Variants in ALLC observed in about 807,000 individuals in gnomAD.
The protein encoded by ALLC is probable inactive allantoicase.
In ALLC, 40 loss-of-function variants were observed where a neutral mutation model predicts 45.0. That is an observed-to-expected ratio of 0.89 (90% CI 0.69 to 1.16). The LOEUF is 1.16. ALLC is among the 50% of genes most tolerant of loss of function. The probability of loss-of-function intolerance (pLI) is 0.00; values close to 1 mark genes in which losing one functional copy is unlikely to be tolerated. For synonymous variants in ALLC, 176 were observed against 178.1 expected, an observed-to-expected ratio of 0.99 and a Z score of 0.09; for missense variants, 488 against 493.1, an observed-to-expected ratio of 0.99 and a Z score of 0.10.
intron 10 of ALLC, among the ~76,000 whole-genome samples, chr2:3,697,676 ATTTT>A (rs1326183569): frequency 1.4e-5 from 2 of 144,348 alleles, no homozygotes; most frequent in Non-Finnish European, 3.0e-5. Context: ...TCTTTTATTT[ATTTT>A]TTTGAGATGG....
chr2:3,683,658 G>A (rs990705161), intron 7 of ALLC, among the ~76,000 whole-genome samples: 5 of 152,134 alleles, frequency 3.3e-5, no homozygotes, highest in Admixed American at 2.6e-4. Flanking sequence ...TTGGTCTTTT[G>A]TGTCTGACTT....
chr2:3,654,721 C>T (rs935663086), upstream of ALLC, among the ~76,000 whole-genome samples: 5 of 152,224 alleles, frequency 3.3e-5, no homozygotes, highest in African/African-American at 1.2e-4. Flanking sequence ...GTCTTTTCTG[C>T]GTGTTTCCCT....
chr2:3,681,556 C>T, intron 5 of ALLC, 78 bp from the exon 6 acceptor site: 2 of 993,998 alleles, frequency 2.0e-6, no homozygotes, highest in Non-Finnish European at 3.0e-6. Context: ...CGAGAATTAC[C>T]ATACAAACCA....
chr2:3,701,459 C>T lies in ALLC; in HGVS notation c.851-53C>T, dbSNP rs1667829798. On this transcript the variant is annotated intron_variant, in intron 10 of 11. Coordinates refer to ENST00000252505, the MANE Select transcript of ALLC (RefSeq NM_018436.4). ...TTAAAAAAGCATGATATCCTATACG[C>T]CAAACTGAGTGCAAATGCGGGCAGA... The T allele has an allele frequency of 2.6e-6, 4 of 1,527,506 alleles. No homozygotes were observed. In the South Asian group the frequency reaches 4.9e-5, roughly 19 times the overall value. 94.6% of individuals were successfully genotyped at this position (1,527,506 alleles called of 1,614,324 possible).
chr2:3,696,511 A>G (rs1667678092), intron 9 of ALLC, among the ~76,000 whole-genome samples, 163 bp downstream of exon 9: 1 of 152,242 alleles, frequency 6.6e-6, no homozygotes, highest in Non-Finnish European at 1.5e-5. Context: ...TGTTTTCATA[A>G]TATCAGGGCA....
intron 9 of ALLC, 68 bp from the exon 10 acceptor site, chr2:3,697,280 G>T: frequency 8.4e-7 from 1 of 1,186,488 alleles, no homozygotes; most frequent in Non-Finnish European, 1.3e-6. Flanking sequence ...TTCACCTGTT[G>T]GTTTTCGGGA....
the ALLC span, among the ~76,000 whole-genome samples, chr2:3,646,674 C>G: frequency 0.051 from 7,748 of 152,210 alleles, 636 homozygotes; most frequent in African/African-American, 0.18. Flanking sequence ...TTGGCGCAGA[C>G]TCTGTGTATG....
At chr2:3,678,428 A>G (rs373576327) in intron 3 of ALLC, 40 bp from the exon 4 acceptor site, 14 of 1,527,264 alleles carry the variant, frequency 9.2e-6, no homozygotes, top group African/African-American at 2.7e-5. Context: ...AGGAGATCAC[A>G]TGAATGTTAA....
At chr2:3,651,414 T>G in the ALLC span, among the ~76,000 whole-genome samples, 1 of 51,594 alleles carries the variant, frequency 1.9e-5, no homozygotes, top group Non-Finnish European at 4.4e-5. Context: ...TGTGTGTGTG[T>G]GTGTGTGTGT....
chr2:3,680,076 A>C lies in ALLC; in HGVS notation c.298+82A>C. The C allele has an allele frequency of 6.3e-7, 1 of 1,579,666 alleles. No homozygotes were observed. Among genetic ancestry groups the C allele is most frequent in the Non-Finnish European group, 8.7e-7 (1 of 1,155,312 alleles). The stretch of plus-strand genomic sequence containing the variant: ...GCCAGCCACAGCCCCACAACTGCTC[A>C]CTTTCCCTACCACCCAGACAGCTTC... On this transcript the variant is annotated intron_variant, in intron 5 of 11. Transcript: ENST00000252505. This position sits in a 1 kb window ranked among gnomAD's most constrained non-coding sequence, Gnocchi z 4.0.
intron 11 of ALLC, among the ~76,000 whole-genome samples, chr2:3,702,022 G>A (rs553039177): frequency 6.6e-6 from 1 of 152,260 alleles, no homozygotes; most frequent in East Asian, 1.9e-4. Flanking sequence ...GGTGAGAGCT[G>A]CTCCCATGTA....
intron 7 of ALLC, among the ~76,000 whole-genome samples, chr2:3,691,985 T>G (rs1206355620): frequency 6.6e-6 from 1 of 152,240 alleles, no homozygotes; most frequent in Non-Finnish European, 1.5e-5. Flanking sequence ...TTGTTAAATT[T>G]CTCTGATAAA....
intron 7 of ALLC, 176 bp from the exon 8 acceptor site, chr2:3,695,541 G>T: frequency 1.6e-6 from 1 of 638,948 alleles, no homozygotes; most frequent in Middle Eastern, 3.4e-4. Context: ...CTGGTACAGG[G>T]TAATATCAAG....
rs1350227996 is a variant in ALLC, at chr2:3,678,558, A to G, written c.172+3A>G. 1.2e-6 allele frequency: 2 copies of G among 1,613,194 alleles called. No homozygotes were observed. The highest frequency in any genetic ancestry group is 3.3e-5 in the Admixed American group (2 of 60,018). On this transcript the variant is annotated splice_donor_region_variant and intron_variant, in intron 4 of 11. Coordinates refer to ENST00000252505, the MANE Select transcript of ALLC (RefSeq NM_018436.4). ...GACCAGGAGGAAAAGGATTCCAGGTAATAACAACGGTTCGTTCATCGAAGT... is the reference window on the plus strand; with the variant it reads ...GACCAGGAGGAAAAGGATTCCAGGTGATAACAACGGTTCGTTCATCGAAGT...
At chr2:3,687,963 T>C (rs1478769514) in intron 7 of ALLC, 2 of 152,076 alleles carry the variant, frequency 1.3e-5, no homozygotes, top group Admixed American at 1.3e-4. Context: ...CTTGTGCTCT[T>C]GCTGGGGCTG....
At chr2:3,668,200 G>A (rs182502900) in intron 1 of ALLC, among the ~76,000 whole-genome samples, 57 of 152,326 alleles carry the variant, frequency 3.7e-4, no homozygotes, top group Middle Eastern at 3.4e-3. Flanking sequence ...GGGCAGTGTT[G>A]CTGAGGAGGT....
chr2:3,696,302 A>T lies in ALLC; in HGVS notation c.695A>T (p.Asp232Val). ...GTTGGCGGGGCAAAGTCTATGGCGG[A>T]TGGTTGGGAAACTGCAAGAAGGCTG... ...IGVGGAKSMA[D>V]GWETARRLDR... Residue 232 changes from aspartate to valine, a missense_variant, in exon 9 of 12, where the codon GAT becomes GTT. Asp to Val is a radical substitution (Grantham distance 152). Coordinates refer to ENST00000252505, the MANE Select transcript of ALLC (RefSeq NM_018436.4). The T allele has an allele frequency of 1.2e-6, 2 of 1,613,660 alleles. No individual in the cohort carries two copies. Among genetic ancestry groups the T allele is most frequent in the Non-Finnish European group, 1.7e-6 (2 of 1,179,744 alleles).
At chr2:3,662,551 A>G (rs987339334) in intron 1 of ALLC, among the ~76,000 whole-genome samples, 1 of 152,250 alleles carries the variant, frequency 6.6e-6, no homozygotes, top group African/African-American at 2.4e-5. Flanking sequence ...CACCTGCAGC[A>G]GAACCTATGT....
At chr2:3,669,535 C>T (rs1266050467) in intron 1 of ALLC, among the ~76,000 whole-genome samples, 2 of 151,878 alleles carry the variant, frequency 1.3e-5, no homozygotes, top group African/African-American at 2.4e-5. Context: ...GTAATCCCAG[C>T]TACTTGGGAG....
Sources: gnomAD v4.1 joint callset for allele counts (sites outside exome capture counted in the v4.1 genomes callset) on GRCh38, gnomAD v4.1.1 for gene constraint, Gnocchi (gnomAD v3.1) non-coding constraint, MANE v1.5 for transcripts, NCBI Gene and HGNC (gene_info 2026-07-23, HGNC 2026-07-21) for gene names.